The following NEU3 variants were observed in gnomAD, a reference collection of about 807,000 sequenced individuals.
The protein encoded by NEU3 is sialidase-3.
Under a neutral mutation model 11.4 loss-of-function variants are expected in NEU3, and 10 were observed. That is an observed-to-expected ratio of 0.88 (90% CI 0.54 to 1.49). The LOEUF is 1.49. NEU3 is among the 40% of genes most tolerant of loss of function. NEU3 has a pLI of 0.00. For synonymous variants in NEU3, 212 were observed against 228.2 expected (o/e 0.93, Z 0.64); for missense variants, 529 against 581.8 (o/e 0.91, Z 0.93).
chr11:74,994,597 C>T lies in NEU3; in HGVS notation c.183C>T (p.Ala61=). ...DDRGITYRIP[A]LLYIPPTHTF... ...GAGGGATTACCTACCGGATCCCAGCCCTGCTCTACATACCCCCCACCCACA... is the reference window on the plus strand; with the variant it reads ...GAGGGATTACCTACCGGATCCCAGCTCTGCTCTACATACCCCCCACCCACA... Residue 61 remains alanine, a synonymous_variant, in exon 2 of 3, where the codon GCC becomes GCT. Coordinates refer to ENST00000294064, the MANE Select transcript of NEU3 (RefSeq NM_006656.6). 1 of 1,613,990 alleles carries T rather than the reference C, an allele frequency of 6.2e-7. No homozygotes were observed. Among genetic ancestry groups the T allele is most frequent in the East Asian group, 2.2e-5 (1 of 44,884 alleles).
chr11:74,996,862 G>A (rs1307235778), intron 2 of NEU3, among the ~76,000 whole-genome samples: 2 of 152,210 alleles, frequency 1.3e-5, no homozygotes, highest in Non-Finnish European at 2.9e-5. Flanking sequence ...CTCCATCAGA[G>A]CTCCTGGATG....
the NEU3 span, among the ~76,000 whole-genome samples, chr11:74,980,740 C>G: frequency 1.3e-5 from 2 of 152,238 alleles, no homozygotes; most frequent in South Asian, 4.1e-4. Context: ...TCCAGAGTTA[C>G]TGGAACAGAT....
At chr11:74,983,929 C>T (rs565646075), upstream of NEU3, among the ~76,000 whole-genome samples, 9 of 151,970 alleles carry the variant, frequency 5.9e-5, no homozygotes, top group Admixed American at 5.2e-4. Flanking sequence ...TTTTTTTTTC[C>T]TACCTTGTTG....
At chr11:75,003,926 T>C (rs983595037) in intron 2 of NEU3, among the ~76,000 whole-genome samples, 1 of 152,096 alleles carries the variant, frequency 6.6e-6, no homozygotes, top group Admixed American at 6.5e-5. Flanking sequence ...CATATCACTA[T>C]ATATGGAAAA....
chr11:75,001,274 CT>C (rs1282736676), intron 2 of NEU3, among the ~76,000 whole-genome samples: 6 of 139,460 alleles, frequency 4.3e-5, no homozygotes, highest in South Asian at 4.6e-4. Context: ...TTTTCTTTTT[CT>C]TTTTTTTTTC....
In NEU3 at chr11:74,989,078, G is replaced by GC. The variant is rs945546694; in HGVS notation, c.23dup (p.Arg9AlafsTer44). ...TTCGGCGAATGAGACCTGCGGACCT[G>GC]CCCCCGCGCCCCATGGAAGAATCCC... is the stretch of plus-strand genomic sequence containing the variant. On this transcript the variant is annotated frameshift_variant, in exon 1 of 3. Transcript: ENST00000294064. LOFTEE classifies it high-confidence loss of function. 5.8e-6 allele frequency: 9 copies of GC among 1,550,500 alleles called. No individual in the cohort carries two copies. In the Admixed American group the frequency reaches 1.4e-4, roughly 24 times the overall value.
Position 75,006,007 on chromosome 11 carries a change from C to T in NEU3, c.901C>T (p.Leu301=). The T allele has an allele frequency of 6.2e-7, 1 of 1,613,956 alleles. No individual in the cohort carries two copies. Among genetic ancestry groups the T allele is most frequent in the Non-Finnish European group, 8.5e-7 (1 of 1,179,884 alleles). The stretch of plus-strand genomic sequence containing the variant: ...TGGTGAAGGCTTTCAGAGACTGGCC[C>T]TGAGTCGACAGCTCTGTGAGCCCCC... The part of the protein sequence containing the change: ...DHGEGFQRLA[L]SRQLCEPPHG... Residue 301 remains leucine (L), a synonymous_variant, in exon 3 of 3, where the codon CTG becomes TTG. Coordinates refer to ENST00000294064, the MANE Select transcript of NEU3 (RefSeq NM_006656.6).
downstream of NEU3, among the ~76,000 whole-genome samples, chr11:75,019,428 C>T (rs1169398507): frequency 2.6e-5 from 4 of 152,222 alleles, no homozygotes; most frequent in African/African-American, 7.2e-5. Context: ...TGGTGTCTTG[C>T]GTCCCAGCTG....
chr11:75,007,668 A>G lies in NEU3; in HGVS notation c.*1176A>G, dbSNP rs1390187094. On this transcript the variant is annotated 3_prime_UTR_variant, in exon 3 of 3. Coordinates refer to ENST00000294064, the MANE Select transcript of NEU3 (RefSeq NM_006656.6). Reference sequence around the variant, plus strand: ...TTTGTGTAGGCCCATGGAAATCACTACTTGTGAAGTAGAGATGCCTTTTTG... The same window carrying G: ...TTTGTGTAGGCCCATGGAAATCACTGCTTGTGAAGTAGAGATGCCTTTTTG... 2 of 152,136 alleles carry G rather than the reference A, an allele frequency of 1.3e-5. No individual in the cohort carries two copies. Among genetic ancestry groups the G allele is most frequent in the South Asian group, 2.1e-4 (1 of 4,828 alleles). The allele number at this position is 152,136 out of a possible 1,614,324, so 9.4% of individuals were successfully genotyped here.
At chr11:75,000,127 T>C (rs1176754421) in intron 2 of NEU3, among the ~76,000 whole-genome samples, 1 of 152,160 alleles carries the variant, frequency 6.6e-6, no homozygotes, top group Non-Finnish European at 1.5e-5. Flanking sequence ...GAAAGTAAAA[T>C]AGCACTTTCT....
downstream of NEU3, among the ~76,000 whole-genome samples, chr11:75,013,941 A>G (rs1266022933): frequency 6.6e-6 from 1 of 152,222 alleles, no homozygotes; most frequent in East Asian, 1.9e-4. Flanking sequence ...AGGCAAAGAT[A>G]GTGCCTCTTA....
intron 2 of NEU3, among the ~76,000 whole-genome samples, chr11:74,998,366 G>A (rs1052293224): frequency 1.3e-5 from 2 of 152,096 alleles, no homozygotes; most frequent in Non-Finnish European, 2.9e-5. Flanking sequence ...TCAGTTTTGT[G>A]GCAATATCTG....
Position 75,006,481 on chromosome 11 carries a change from A to G in NEU3, c.1375A>G (p.Lys459Glu), listed in dbSNP as rs1470832851. The change falls in exon 3 of 3, where the codon AAA (lysine) becomes GAA (glutamate). Residue 459 changes from lysine to glutamate, a missense_variant. Coordinates refer to ENST00000294064, the MANE Select transcript of NEU3 (RefSeq NM_006656.6). ...CCCTGGTAGGAACCCAAGCCAATTCAAAAGCAATTAATTGGCTTAGGACCC... is the reference window on the plus strand; with the variant it reads ...CCCTGGTAGGAACCCAAGCCAATTCGAAAGCAATTAATTGGCTTAGGACCC... ...TSPGRNPSQF[K>E]SN The G allele has an allele frequency of 1.2e-6, 2 of 1,608,710 alleles. No homozygotes were observed. The highest frequency in any genetic ancestry group is 3.4e-5 in the Admixed American group (2 of 59,564).
At chr11:74,997,905 G>T (rs2140241572) in intron 2 of NEU3, among the ~76,000 whole-genome samples, 1 of 152,130 alleles carries the variant, frequency 6.6e-6, no homozygotes, top group African/African-American at 2.4e-5. Flanking sequence ...CAGCTTGGCT[G>T]TTTGGCACAA....
At chr11:74,981,900 A>G in the NEU3 span, among the ~76,000 whole-genome samples, 1 of 152,112 alleles carries the variant, frequency 6.6e-6, no homozygotes, top group African/African-American at 2.4e-5. Flanking sequence ...CTACCTGAAG[A>G]AAGAGTCCTA....
chr11:75,012,278 C>A (rs1206133286), downstream of NEU3, among the ~76,000 whole-genome samples: 13 of 152,228 alleles, frequency 8.5e-5, no homozygotes, highest in Admixed American at 3.3e-4. Context: ...TCATGACCTA[C>A]TCCAGTCAAC....
In NEU3 at chr11:75,006,446, A is replaced by T. The variant is rs748672038; in HGVS notation, c.1340A>T (p.Asp447Val). 6.2e-7 allele frequency: 1 copy of T among 1,613,734 alleles called. No individual in the cohort carries two copies. The highest frequency in any genetic ancestry group is 1.1e-5 in the South Asian group (1 of 91,050). Residue 447 changes from aspartate to valine, a missense_variant, in exon 3 of 3, where the codon GAC (aspartate) becomes GTC (valine). Transcript: ENST00000294064. ...HREILSHLQG[D>V]CTSPGRNPSQ... ...GAGATCCTGAGTCACCTGCAGGGGGACTGCACCAGCCCTGGTAGGAACCCA... is the reference window on the plus strand; with the variant it reads ...GAGATCCTGAGTCACCTGCAGGGGGTCTGCACCAGCCCTGGTAGGAACCCA...
chr11:74,984,949 T>G (rs1591746472), upstream of NEU3, among the ~76,000 whole-genome samples: 1 of 152,006 alleles, frequency 6.6e-6, no homozygotes, highest in African/African-American at 2.4e-5. Flanking sequence ...GGCACAGAAG[T>G]TAAATAAGTT....
chr11:74,996,949 T>C (rs1948795435), intron 2 of NEU3, among the ~76,000 whole-genome samples: 1 of 152,238 alleles, frequency 6.6e-6, no homozygotes, highest in South Asian at 2.1e-4. Context: ...AACAGGGGGC[T>C]GTAAACAGAA....
Sources: allele counts gnomAD v4.1 joint callset (sites outside exome capture counted in the v4.1 genomes callset), GRCh38; gene constraint gnomAD v4.1.1; transcripts MANE v1.5; gene names NCBI Gene and HGNC (gene_info 2026-07-23, HGNC 2026-07-21).